Variants in CDYL2 observed in about 807,000 individuals in gnomAD.
The protein encoded by CDYL2 is chromodomain Y like 2.
Under a neutral mutation model 49.4 loss-of-function variants are expected in CDYL2, and 23 were observed. That is an observed-to-expected ratio of 0.47 (90% CI 0.34 to 0.66). The LOEUF is 0.66. Among genes scored for constraint, CDYL2 ranks in the 30% least tolerant of loss-of-function variants. The pLI is 0.01. For synonymous variants in CDYL2, 360 were observed against 268.8 expected, an observed-to-expected ratio of 1.34 and a Z score of -3.32; for missense variants, 678 against 656.4, an observed-to-expected ratio of 1.03 and a Z score of -0.36.
chr16:80,677,203 C>T (rs978729161), intron 2 of CDYL2, among the ~76,000 whole-genome samples: 1 of 151,610 alleles, frequency 6.6e-6, no homozygotes, highest in African/African-American at 2.4e-5. Flanking sequence ...AACTCCTGGG[C>T]TCAAGCTATC....
chr16:80,730,677 G>C (rs1055961954), intron 1 of CDYL2, among the ~76,000 whole-genome samples: 29 of 152,292 alleles, frequency 1.9e-4, no homozygotes, highest in African/African-American at 7.0e-4. Flanking sequence ...CAATACCCTT[G>C]ATGAACATTG....
Position 80,644,665 on chromosome 16 carries a change from G to A in CDYL2, c.617-11429C>T, listed in dbSNP as rs12596610. 3.4e-4 allele frequency among the ~76,000 whole-genome samples: 52 copies of A among 152,280 alleles called. No individual in the cohort carries two copies. The East Asian group carries it at 6.8e-3, about 20-fold the overall frequency. On this transcript the variant is annotated intron_variant, in intron 2 of 6. Coordinates refer to ENST00000570137, the MANE Select transcript of CDYL2 (RefSeq NM_152342.4). ...ACCCCTGATAAAACCATCAGATCTCGTGATACTTATTCACTACCATGAGAA... is the reference window on the plus strand; with the variant it reads ...ACCCCTGATAAAACCATCAGATCTCATGATACTTATTCACTACCATGAGAA...
At chr16:80,790,101 A>T (rs570526483) in intron 1 of CDYL2, among the ~76,000 whole-genome samples, 3 of 152,250 alleles carry the variant, frequency 2.0e-5, no homozygotes, top group Non-Finnish European at 4.4e-5. Context: ...TACAATTATT[A>T]TGAAGCATAT....
chr16:80,744,851 C>A (rs750736431), intron 1 of CDYL2, among the ~76,000 whole-genome samples: 4 of 152,158 alleles, frequency 2.6e-5, no homozygotes, highest in Non-Finnish European at 5.9e-5. Flanking sequence ...GTGGACAGTC[C>A]TGGATCCCCA....
chr16:80,764,595 A>G (rs911492903), intron 1 of CDYL2, among the ~76,000 whole-genome samples: 1 of 152,208 alleles, frequency 6.6e-6, no homozygotes, highest in African/African-American at 2.4e-5. Context: ...GGGAAAGAAT[A>G]TAGAGGTGAA....
intron 2 of CDYL2, among the ~76,000 whole-genome samples, chr16:80,657,489 C>A (rs900906181): frequency 6.6e-6 from 1 of 152,150 alleles, no homozygotes; most frequent in Non-Finnish European, 1.5e-5. Context: ...AAACAATCCA[C>A]AGCATTACAC....
At chr16:80,633,631 C>G (rs1402291378) in intron 2 of CDYL2, among the ~76,000 whole-genome samples, 1 of 152,158 alleles carries the variant, frequency 6.6e-6, no homozygotes, top group Non-Finnish European at 1.5e-5. Context: ...CTTTAACCAA[C>G]CCGTATTATG....
At chr16:80,716,301 G>A (rs989749720) in intron 1 of CDYL2, among the ~76,000 whole-genome samples, 2 of 152,218 alleles carry the variant, frequency 1.3e-5, no homozygotes, top group African/African-American at 4.8e-5. Flanking sequence ...TGATTAATGT[G>A]TATCACAAGA....
At chr16:80,724,459 G>C (rs975470272) in intron 1 of CDYL2, among the ~76,000 whole-genome samples, 6 of 152,016 alleles carry the variant, frequency 3.9e-5, no homozygotes, top group African/African-American at 1.4e-4. Flanking sequence ...TAAAACTCTG[G>C]AGCTCTTCTA....
upstream of CDYL2, among the ~76,000 whole-genome samples, chr16:80,804,946 G>GCCC (rs1003079333): frequency 9.2e-5 from 14 of 152,086 alleles, no homozygotes; most frequent in African/African-American, 2.9e-4. Context: ...GGGAGACCTG[G>GCCC]CCCCTCGGGG....
chr16:80,706,225 TCCC>T (rs1904400190), intron 1 of CDYL2, among the ~76,000 whole-genome samples: 1 of 152,234 alleles, frequency 6.6e-6, no homozygotes, highest in Admixed American at 6.5e-5. Context: ...CCATTAGTTG[TCCC>T]TTGGCTACAG....
intron 1 of CDYL2, among the ~76,000 whole-genome samples, chr16:80,753,663 C>T (rs1035314870): frequency 6.6e-6 from 1 of 151,978 alleles, no homozygotes; most frequent in Non-Finnish European, 1.5e-5. Flanking sequence ...ACACAATATA[C>T]AAAACAATAA....
chr16:80,718,894 A>C lies in CDYL2; in HGVS notation c.25-33765T>G, dbSNP rs926487841. The stretch of plus-strand genomic sequence containing the variant: ...ACACAGGGAGGCCACTAAGGAGGGA[A>C]GGACTTAGAGCCAGGGAACAATGTA... On this transcript the variant is annotated intron_variant, in intron 1 of 6. Coordinates refer to ENST00000570137, the MANE Select transcript of CDYL2 (RefSeq NM_152342.4). 2.0e-5 allele frequency among the ~76,000 whole-genome samples: 3 copies of C among 152,200 alleles called. No individual in the cohort carries two copies. In the East Asian group the frequency reaches 5.8e-4, roughly 29 times the overall value.
chr16:80,684,976 T>C lies in CDYL2; in HGVS notation c.178A>G (p.Met60Val), dbSNP rs772300408. ...EFIDEFNGLH[M>V]SKDKRIKSGK... The stretch of plus-strand genomic sequence containing the variant: ...GACTTGATCCTCTTGTCCTTGGACA[T>C]GTGCAACCCATTGAATTCATCAATA... Residue 60 changes from methionine to valine, a missense_variant, in exon 2 of 7, where the codon ATG (methionine) becomes GTG (valine). By Grantham distance (21) the Met-to-Val change is conservative. This residue lies in a region of CDYL2 where 478 missense variants were observed against 427.0 expected (regional missense o/e 1.12). Transcript: ENST00000570137. 5.0e-6 allele frequency: 8 copies of C among 1,614,082 alleles called. No individual in the cohort carries two copies. The highest frequency in any genetic ancestry group is 6.8e-6 in the Non-Finnish European group (8 of 1,180,040).
intron 1 of CDYL2, among the ~76,000 whole-genome samples, chr16:80,712,129 A>G (rs868529150): frequency 6.9e-4 from 101 of 145,860 alleles, no homozygotes; most frequent in African/African-American, 2.2e-3. Flanking sequence ...GTGTATATAT[A>G]TGTGTGTACA....
chr16:80,602,507 C>A lies in CDYL2; in HGVS notation c.*1881G>T, dbSNP rs946092921. ...CTCTAGATCTGGTGTAGACTATCAA[C>A]GTGTTCTTTGAAACTCAAAGCTCAG... On this transcript the variant is annotated 3_prime_UTR_variant, in exon 7 of 7. Transcript: ENST00000570137. 1 of 152,292 alleles carries A rather than the reference C, an allele frequency of 6.6e-6. No individual in the cohort carries two copies. Among genetic ancestry groups the A allele is most frequent in the Admixed American group, 6.5e-5 (1 of 15,290 alleles). The allele number at this position is 152,292 out of a possible 1,614,324, so 9.4% of individuals were successfully genotyped here. A position where few individuals can be genotyped will look rare whatever the true frequency, so the allele number is the denominator to read the frequency against.
intron 1 of CDYL2, among the ~76,000 whole-genome samples, chr16:80,703,654 C>G (rs1001225290): frequency 6.6e-6 from 1 of 152,140 alleles, no homozygotes; most frequent in South Asian, 2.1e-4. Context: ...CACTCTGGCT[C>G]AAGGAGAGGG....
At chr16:80,674,681 C>G (rs1012863110) in intron 2 of CDYL2, among the ~76,000 whole-genome samples, 1 of 152,222 alleles carries the variant, frequency 6.6e-6, no homozygotes, top group African/African-American at 2.4e-5. Flanking sequence ...TTCACCTATT[C>G]TGGACATTTG....
At chr16:80,726,687 T>G (rs548279527) in intron 1 of CDYL2, among the ~76,000 whole-genome samples, 1 of 151,936 alleles carries the variant, frequency 6.6e-6, no homozygotes, top group East Asian at 1.9e-4. Flanking sequence ...TAGAAAAATG[T>G]TTGACTCTAG....
Sources: gnomAD v4.1 joint callset for allele counts (sites outside exome capture counted in the v4.1 genomes callset) on GRCh38, gnomAD v4.1.1 for gene constraint, gnomAD v4.1.1 regional missense constraint, MANE v1.5 for transcripts, NCBI Gene and HGNC (gene_info 2026-07-23, HGNC 2026-07-21) for gene names.